The following CYTH1 variants were observed in gnomAD, a reference collection of about 807,000 sequenced individuals.
CYTH1 encodes cytohesin 1, also known as cytohesin-1.
Under a neutral mutation model 61.8 loss-of-function variants are expected in CYTH1, and 18 were observed. The ratio of observed to expected loss-of-function variants is 0.29; its 90% CI spans 0.20 to 0.43. The LOEUF (loss-of-function observed/expected upper bound fraction) is 0.43, where lower values mean the gene tolerates loss of function less well. CYTH1 is among the 20% of genes least tolerant of loss of function. CYTH1 has a pLI of 1.00. For missense variants in CYTH1, 336 were observed against 510.5 expected, an observed-to-expected ratio of 0.66 and a Z score of 3.29; for synonymous variants, 174 against 184.3, an observed-to-expected ratio of 0.94 and a Z score of 0.45.
rs776487502 is a variant in CYTH1, at chr17:78,692,403, T to C, written c.891+14A>G. ...GCCCATCCCTAGTCTGGAGGCCGAC[T>C]AGCAGGTGCTCACCGTGGTATACTC... On this transcript the variant is annotated intron_variant, in intron 11 of 13. Coordinates refer to ENST00000446868, the MANE Select transcript of CYTH1 (RefSeq NM_004762.6). The C allele has an allele frequency of 3.1e-6, 5 of 1,613,916 alleles. No individual in the cohort carries two copies. Among genetic ancestry groups the C allele is most frequent in the Non-Finnish European group, 4.2e-6 (5 of 1,179,942 alleles).
At chr17:78,739,510 A>C (rs1320588564) in intron 1 of CYTH1, among the ~76,000 whole-genome samples, 1 of 152,204 alleles carries the variant, frequency 6.6e-6, no homozygotes, top group Non-Finnish European at 1.5e-5. Flanking sequence ...AGCAGGAAGA[A>C]CAGTGTAGGG....
intron 9 of CYTH1, 90 bp downstream of exon 9, chr17:78,698,179 G>GCGCACACA (rs1221362755): frequency 6.6e-5 from 70 of 1,056,750 alleles, no homozygotes; most frequent in Non-Finnish European, 9.9e-5. Flanking sequence ...ACACGCACAC[G>GCGCACACA]CGCACACACG....
intron 1 of CYTH1, among the ~76,000 whole-genome samples, chr17:78,742,687 T>C (rs2093345990): frequency 6.6e-6 from 1 of 152,056 alleles, no homozygotes; most frequent in Non-Finnish European, 1.5e-5. Flanking sequence ...ACCCTGTCTC[T>C]ACTAAAAATA....
chr17:78,712,051 C>G (rs914062738), intron 1 of CYTH1, among the ~76,000 whole-genome samples: 1 of 150,392 alleles, frequency 6.6e-6, no homozygotes, highest in Non-Finnish European at 1.5e-5. Flanking sequence ...TGCACTCCAG[C>G]CTGGGCAACA....
intron 1 of CYTH1, among the ~76,000 whole-genome samples, chr17:78,738,090 G>A (rs186408724): frequency 2.6e-5 from 4 of 152,096 alleles, no homozygotes; most frequent in Admixed American, 6.5e-5. Context: ...CACACGTTTC[G>A]GCACATCTCT....
chr17:78,699,867 G>A (rs966103949), intron 7 of CYTH1, among the ~76,000 whole-genome samples: 1 of 152,170 alleles, frequency 6.6e-6, no homozygotes, highest in Non-Finnish European at 1.5e-5. Flanking sequence ...CTCACTGCGT[G>A]TAGTCGTAAA....
rs74001230 is a variant in CYTH1 at position 78,762,662 on chromosome 17, A to G, written c.22+19540T>C. Among the ~76,000 whole-genome samples the G allele has an allele frequency of 4.2e-3, 641 of 152,334 alleles. 6 individuals carry two copies. Among genetic ancestry groups the G allele is most frequent in the African/African-American group, 0.015 (603 of 41,576 alleles). On this transcript the variant is annotated intron_variant, in intron 1 of 13. Coordinates refer to ENST00000446868, the MANE Select transcript of CYTH1 (RefSeq NM_004762.6). ...CTTTAGAAGAGGGAGATTATCCTAGAGTATCCAAGTGGGCACACGGATTCT... is the reference window on the plus strand; with the variant it reads ...CTTTAGAAGAGGGAGATTATCCTAGGGTATCCAAGTGGGCACACGGATTCT...
At chr17:78,740,836 A>G (rs1274883415) in intron 1 of CYTH1, among the ~76,000 whole-genome samples, 1 of 152,232 alleles carries the variant, frequency 6.6e-6, no homozygotes, top group African/African-American at 2.4e-5. Flanking sequence ...CTCATGAGGC[A>G]TATCTATAAC....
chr17:78,681,285 G>C (rs943417372), intron 11 of CYTH1, among the ~76,000 whole-genome samples: 1 of 152,202 alleles, frequency 6.6e-6, no homozygotes, highest in Non-Finnish European at 1.5e-5. Flanking sequence ...GACACCGTGA[G>C]AGTGTGGCCG....
At position 78,698,147 on chromosome 17, in the gene CYTH1, G is replaced by A. The variant is rs74001209; in HGVS notation, c.811+122C>T. On this transcript the variant is annotated intron_variant, in intron 9 of 13. Coordinates refer to ENST00000446868, the MANE Select transcript of CYTH1 (RefSeq NM_004762.6). The stretch of plus-strand genomic sequence containing the variant: ...TGCATGCGCGTGCACACACACGCAC[G>A]CGCACACATGCACACGCACAAACAC... The A allele has an allele frequency of 1.2e-3, 1,000 of 813,902 alleles. 6 individuals carry two copies. In the African/African-American group the frequency reaches 0.014, roughly 12 times the overall value. The allele number at this position is 813,902 out of a possible 1,614,324, so 50.4% of individuals were successfully genotyped here. A position where few individuals can be genotyped will look rare whatever the true frequency, so the allele number is the denominator to read the frequency against.
At chr17:78,745,453 T>C (rs1408225535) in intron 1 of CYTH1, among the ~76,000 whole-genome samples, 1 of 152,208 alleles carries the variant, frequency 6.6e-6, no homozygotes. Flanking sequence ...AACTTCACAC[T>C]ACTCCTAGAA....
chr17:78,739,898 G>A (rs1412582532), intron 1 of CYTH1, among the ~76,000 whole-genome samples: 1 of 151,832 alleles, frequency 6.6e-6, no homozygotes, highest in East Asian at 1.9e-4. Flanking sequence ...GTGACTCCGA[G>A]CTTTCTGGCC....
intron 11 of CYTH1, among the ~76,000 whole-genome samples, chr17:78,683,600 C>T (rs1006794298): frequency 4.6e-5 from 7 of 152,170 alleles, no homozygotes; most frequent in African/African-American, 1.4e-4. Context: ...CCTCAGCATT[C>T]GAGAAGGCTG....
intron 3 of CYTH1, among the ~76,000 whole-genome samples, chr17:78,707,551 T>C (rs2093080706): frequency 6.6e-6 from 1 of 152,194 alleles, no homozygotes; most frequent in African/African-American, 2.4e-5. Flanking sequence ...TTCATTAAGC[T>C]TTTCCTTTAC....
At chr17:78,702,486 T>C in intron 4 of CYTH1, 52 bp downstream of exon 4, 1 of 1,587,028 alleles carries the variant, frequency 6.3e-7, no homozygotes, top group Non-Finnish European at 8.6e-7. Context: ...ATCTGAGCAC[T>C]ATAAAAAAAC....
intron 1 of CYTH1, among the ~76,000 whole-genome samples, chr17:78,772,242 C>T (rs1411200274): frequency 2.6e-5 from 4 of 152,158 alleles, no homozygotes; most frequent in East Asian, 1.9e-4. Flanking sequence ...CGACCAGACT[C>T]GACACGGCTC....
At chr17:78,736,691 C>G in intron 1 of CYTH1, 1 of 412,910 alleles carries the variant, frequency 2.4e-6, no homozygotes, top group South Asian at 1.8e-5. Context: ...CTTTGACTCA[C>G]CGTCCTCCTC....
intron 13 of CYTH1, among the ~76,000 whole-genome samples, chr17:78,678,957 G>GCT (rs1261138209): frequency 6.6e-6 from 1 of 152,228 alleles, no homozygotes; most frequent in African/African-American, 2.4e-5. Flanking sequence ...GTTCCTGTCT[G>GCT]TTTTCATTGC....
At chr17:78,754,145 C>T (rs1456735590) in intron 1 of CYTH1, among the ~76,000 whole-genome samples, 2 of 152,062 alleles carry the variant, frequency 1.3e-5, no homozygotes, top group African/African-American at 4.8e-5. Context: ...TGAGAAGCAG[C>T]GCATCTAGAT....
Sources: gnomAD v4.1 joint callset for allele counts (sites outside exome capture counted in the v4.1 genomes callset) on GRCh38, gnomAD v4.1.1 for gene constraint, MANE v1.5 for transcripts, NCBI Gene and HGNC (gene_info 2026-07-23, HGNC 2026-07-21) for gene names.